HPGD: variants seen among roughly 807,000 people sequenced by gnomAD.
HPGD encodes the protein 15-hydroxyprostaglandin dehydrogenase, also known as 15-hydroxyprostaglandin dehydrogenase [NAD(+)].
In HPGD, 29 loss-of-function variants were observed where a neutral mutation model predicts 30.0. The observed-to-expected ratio is 0.97, with a 90% CI of 0.72 to 1.32. HPGD has a LOEUF of 1.32. HPGD is among the 40% of genes most tolerant of loss of function. The pLI, the probability that HPGD is intolerant of heterozygous loss-of-function variation, is 0.00. For synonymous variants in HPGD, 99 were observed against 112.4 expected (o/e 0.88, Z 0.75); for missense variants, 340 against 322.1 (o/e 1.06, Z -0.43).
Position 174,508,773 on chromosome 4 carries a change from G to T in HPGD, c.344C>A (p.Thr115Asn). The T allele has an allele frequency of 6.3e-7, 1 of 1,598,492 alleles. No homozygotes were observed. The highest frequency in any genetic ancestry group is 8.6e-7 in the Non-Finnish European group (1 of 1,166,274). The change falls in exon 4 of 7, where the codon ACC becomes AAC. Residue 115 changes from threonine to asparagine, a missense_variant. Transcript: ENST00000296522. The part of the protein sequence containing the change: ...QINLVSVISG[T>N]YLGLDYMSKQ... ...ACTCATGTAATCCAAACCAAGATAG[G>T]TTCCACTGATAACAGAAACCTAATC... is the stretch of plus-strand genomic sequence containing the variant.
At chr4:174,504,531 A>G (rs962120946) in intron 4 of HPGD, among the ~76,000 whole-genome samples, 3 of 152,006 alleles carry the variant, frequency 2.0e-5, no homozygotes, top group Non-Finnish European at 4.4e-5. Context: ...AAGCAATTAA[A>G]TACTTAAGAA....
intron 3 of HPGD, among the ~76,000 whole-genome samples, chr4:174,509,017 T>C (rs943157501): frequency 1.3e-5 from 2 of 152,258 alleles, no homozygotes; most frequent in African/African-American, 4.8e-5. Flanking sequence ...AAAACTTCAC[T>C]TAGTTGCCCA....
intron 5 of HPGD, among the ~76,000 whole-genome samples, chr4:174,493,679 C>T (rs1734453929): frequency 6.6e-6 from 1 of 152,062 alleles, no homozygotes. Context: ...ACAAATAATA[C>T]TTAATTAAAA....
In HPGD at chr4:174,492,908, T is replaced by A. The variant is rs918763679; in HGVS notation, c.662+243A>T. 3.3e-5 allele frequency among the ~76,000 whole-genome samples: 5 copies of A among 152,178 alleles called. No homozygotes were observed. Among genetic ancestry groups the A allele is most frequent in the Non-Finnish European group, 7.4e-5 (5 of 67,988 alleles). Reference sequence around the variant, plus strand: ...CCTTCAAAGGTGACTAAATATCAACTTTATGACTGATGGTAGTAATGAAGC... The same window carrying A: ...CCTTCAAAGGTGACTAAATATCAACATTATGACTGATGGTAGTAATGAAGC... On this transcript the variant is annotated intron_variant, in intron 6 of 6. Transcript: ENST00000296522. The surrounding 1 kb of genome is among the most constrained non-coding windows in gnomAD (Gnocchi z 4.9).
intron 3 of HPGD, among the ~76,000 whole-genome samples, chr4:174,510,571 T>C (rs1261956548): frequency 2.6e-5 from 4 of 152,210 alleles, no homozygotes; most frequent in Non-Finnish European, 2.9e-5. Context: ...TTTTTTAAGA[T>C]TTATTTTTAA....
chr4:174,514,507 T>C (rs2254225), intron 3 of HPGD, among the ~76,000 whole-genome samples: 8,731 of 152,144 alleles, frequency 0.057, 815 homozygotes, highest in African/African-American at 0.2. Context: ...CATCTTTTCA[T>C]GTTAAAAAAT....
intron 4 of HPGD, among the ~76,000 whole-genome samples, chr4:174,497,568 C>CTTTTCTTTTTTTTTTTTTT (rs1553998366): frequency 6.1e-4 from 31 of 51,100 alleles, no homozygotes; most frequent in African/African-American, 2.0e-3. Flanking sequence ...CTTTTTCTTT[C>CTTTTCTTTTTTTTTTTTTT]TTTTTTTTTT....
intron 4 of HPGD, among the ~76,000 whole-genome samples, chr4:174,505,538 C>T (rs1316397663): frequency 1.3e-5 from 2 of 152,156 alleles, no homozygotes; most frequent in Admixed American, 1.3e-4. Context: ...CGGAGGGGTC[C>T]TCTTTTGCCT....
chr4:174,514,446 C>G (rs2110857500), intron 3 of HPGD, among the ~76,000 whole-genome samples: 1 of 152,228 alleles, frequency 6.6e-6, no homozygotes, highest in East Asian at 1.9e-4. Flanking sequence ...GGTATCCATA[C>G]TGTAAAATAG....
At chr4:174,495,445 C>G in intron 5 of HPGD, 103 bp downstream of exon 5, 1 of 881,044 alleles carries the variant, frequency 1.1e-6, no homozygotes, top group Non-Finnish European at 1.9e-6. Context: ...CATTTTTCCA[C>G]CTTTCATCCA....
intron 4 of HPGD, among the ~76,000 whole-genome samples, chr4:174,498,863 G>C (rs1734771559): frequency 6.6e-6 from 1 of 152,004 alleles, no homozygotes; most frequent in Non-Finnish European, 1.5e-5. Flanking sequence ...TCAGTTTGTT[G>C]CTTTGAAAAT....
chr4:174,495,435 C>T, intron 5 of HPGD, 113 bp downstream of exon 5: 5 of 808,398 alleles, frequency 6.2e-6, no homozygotes. Context: ...GGAGGTATGT[C>T]ATTTTTCCAC....
intron 3 of HPGD, among the ~76,000 whole-genome samples, chr4:174,511,201 A>G (rs1352692355): frequency 1.3e-4 from 17 of 129,344 alleles, no homozygotes. Flanking sequence ...TCTTTAGTCA[A>G]TAAGTGCATT....
intron 4 of HPGD, among the ~76,000 whole-genome samples, chr4:174,500,521 A>T (rs753056215): frequency 6.6e-6 from 1 of 152,254 alleles, no homozygotes; most frequent in Admixed American, 6.5e-5. Flanking sequence ...TTGAATGAAC[A>T]AATAAACTGT....
chr4:174,501,132 A>G (rs1391363921), intron 4 of HPGD, among the ~76,000 whole-genome samples: 3 of 152,204 alleles, frequency 2.0e-5, no homozygotes, highest in Non-Finnish European at 2.9e-5. Flanking sequence ...AATATACTCA[A>G]TTGAAGTGTG....
At chr4:174,501,472 A>G (rs1407525290) in intron 4 of HPGD, among the ~76,000 whole-genome samples, 1 of 152,178 alleles carries the variant, frequency 6.6e-6, no homozygotes, top group Non-Finnish European at 1.5e-5. Flanking sequence ...TAAGAACAGT[A>G]TTTTTCAGTA....
rs760136587 is a variant in HPGD at position 174,522,114 on chromosome 4, TAGAC to T, written c.94-51_94-48del. On this transcript the variant is annotated intron_variant, in intron 1 of 6. Transcript: ENST00000296522. ...TCGCGGGCCTGCGCAGCTCACGAAA[TAGAC>T]GGACAAACAATAAACACACAAGAGG... is the stretch of plus-strand genomic sequence containing the variant. 8.7e-6 allele frequency: 14 copies of T among 1,613,460 alleles called. No individual in the cohort carries two copies. The African/African-American group carries it at 1.3e-4, about 15-fold the overall frequency.
chr4:174,501,271 T>C (rs1734887115), intron 4 of HPGD, among the ~76,000 whole-genome samples: 1 of 152,090 alleles, frequency 6.6e-6, no homozygotes, highest in Non-Finnish European at 1.5e-5. Context: ...ATCTTGCAAA[T>C]TAATTCTCAA....
rs139351240 is a variant in HPGD at position 174,504,748 on chromosome 4, GGTT to G, written c.421+3945_421+3947del. Reference sequence around the variant, plus strand: ...GAATTGCTTTAACCTGAGAGGTGTTGGTTGTAGTGAGCCGAGATCGCGCCATTG... The same window carrying G: ...GAATTGCTTTAACCTGAGAGGTGTTGGTAGTGAGCCGAGATCGCGCCATTG... On this transcript the variant is annotated intron_variant, in intron 4 of 6. Transcript: ENST00000296522. 5.8e-3 allele frequency among the ~76,000 whole-genome samples: 882 copies of G among 152,140 alleles called. 5 individuals carry two copies. Among genetic ancestry groups the G allele is most frequent in the African/African-American group, 0.021 (854 of 41,502 alleles).
Sources: gnomAD v4.1 joint callset for allele counts (sites outside exome capture counted in the v4.1 genomes callset) on GRCh38, gnomAD v4.1.1 for gene constraint, Gnocchi (gnomAD v3.1) non-coding constraint, MANE v1.5 for transcripts, NCBI Gene and HGNC (gene_info 2026-07-23, HGNC 2026-07-21) for gene names.